The following UPF1 variants were observed in gnomAD, a reference collection of about 807,000 sequenced individuals.
UPF1 encodes the protein UPF1 RNA helicase and ATPase, also known as regulator of nonsense transcripts 1.
In UPF1, 9 loss-of-function variants were observed where a neutral mutation model predicts 129.2. That is an observed-to-expected ratio of 0.07 (90% confidence interval 0.04 to 0.12). The LOEUF (loss-of-function observed/expected upper bound fraction) is 0.12. Among genes scored for constraint, UPF1 ranks in the 10% least tolerant of loss-of-function variants. The pLI is 1.00. For synonymous variants in UPF1, 649 were observed against 644.9 expected (o/e 1.01, Z -0.10); for missense variants, 788 against 1,525.3 (o/e 0.52, Z 8.05).
chr19:18,849,820 T>A (rs1212448499), intron 3 of UPF1: 2 of 492,486 alleles, frequency 4.1e-6, no homozygotes, highest in East Asian at 4.1e-5. Context: ...GCAGGATTTT[T>A]AAAAAAGGCA....
chr19:18,863,707 T>C (rs1601130521), intron 19 of UPF1, 95 bp downstream of exon 19: 2 of 1,372,376 alleles, frequency 1.5e-6, no homozygotes, highest in East Asian at 5.9e-5. Flanking sequence ...GCCCGTGAGC[T>C]GAGGGAGGGC....
At chr19:18,860,766 C>T (rs944070067) in intron 16 of UPF1, 60 bp from the exon 17 acceptor site, 4 of 1,599,072 alleles carry the variant, frequency 2.5e-6, no homozygotes, top group Non-Finnish European at 3.4e-6. Flanking sequence ...TCACGGCCTC[C>T]AGCCTCAGGG....
chr19:18,833,694 C>G (rs2055453461), intron 1 of UPF1, among the ~76,000 whole-genome samples: 1 of 152,088 alleles, frequency 6.6e-6, no homozygotes, highest in South Asian at 2.1e-4. Context: ...CCTGAATGCT[C>G]CGACAGGAAG....
intron 1 of UPF1, among the ~76,000 whole-genome samples, chr19:18,834,652 G>C (rs979840576): frequency 6.6e-6 from 1 of 152,156 alleles, no homozygotes; most frequent in Admixed American, 6.5e-5. Context: ...AATGGGAGTG[G>C]TACCCCTTTG....
intron 16 of UPF1, among the ~76,000 whole-genome samples, 175 bp downstream of exon 16, chr19:18,860,613 T>C (rs2055767826): frequency 6.6e-6 from 1 of 152,228 alleles, no homozygotes; most frequent in Non-Finnish European, 1.5e-5. Flanking sequence ...TTGTACTTGT[T>C]TTTTATTGGG....
rs1421649623 is a variant in UPF1, at chr19:18,843,417, A to G, written c.232-2563A>G. 8.6e-5 allele frequency among the ~76,000 whole-genome samples: 13 copies of G among 152,044 alleles called. No homozygotes were observed. In the East Asian group the frequency reaches 2.5e-3, roughly 29 times the overall value. ...CAGACAGTGGTGCAAATGTTGGAGTAGATGTCTGCGGCCTGAGAGTTTATG... is the reference window on the plus strand; with the variant it reads ...CAGACAGTGGTGCAAATGTTGGAGTGGATGTCTGCGGCCTGAGAGTTTATG... On this transcript the variant is annotated intron_variant, in intron 1 of 23. Coordinates refer to ENST00000262803, the MANE Select transcript of UPF1 (RefSeq NM_002911.4).
At position 18,856,746 on chromosome 19, in the gene UPF1, G is replaced by A; in HGVS notation, c.1825-131G>A. On this transcript the variant is annotated intron_variant, in intron 13 of 23. Transcript: ENST00000262803. ...CTGGACCATGTATCTTGTCTGGGAG[G>A]GACAGCTTGTTTTTTATAGTGTCAG... 3 of 1,308,112 alleles carry A rather than the reference G, an allele frequency of 2.3e-6. No homozygotes were observed. The South Asian group carries it at 4.6e-5, about 20-fold the overall frequency. The allele number at this position is 1,308,112 out of a possible 1,614,324, so 81.0% of individuals were successfully genotyped here. A position where few individuals can be genotyped will look rare whatever the true frequency, so the allele number is the denominator to read the frequency against.
In UPF1 at chr19:18,863,611, C is replaced by T. The variant is rs189120195; in HGVS notation, c.2774C>T (p.Pro925Leu). 1.2e-6 allele frequency: 2 copies of T among 1,612,662 alleles called. No individual in the cohort carries two copies. The highest frequency in any genetic ancestry group is 8.5e-7 in the Non-Finnish European group (1 of 1,179,504). ...KPRKLVNTIN[P>L]GARFMTTAMY... ...CGGAAGCTGGTCAACACTATCAACC[C>T]GGTGAGCGCCTGCACAGGACAGCAG... The change falls in exon 19 of 24, where the codon CCG becomes CTG. Residue 925 changes from proline to leucine, a missense_variant and splice_region_variant. Around this residue, in one of 6 missense-constraint regions of UPF1, gnomAD observed 218 missense variants for 318.1 expected, o/e 0.69. Coordinates refer to ENST00000262803, the MANE Select transcript of UPF1 (RefSeq NM_002911.4).
In UPF1 at chr19:18,865,514, G is replaced by T. The variant is rs76650420; in HGVS notation, c.3020-47G>T. 5.4e-3 allele frequency: 8,775 copies of T among 1,612,608 alleles called. 45 individuals are homozygous for T. Among genetic ancestry groups the T allele is most frequent in the Non-Finnish European group, 6.1e-3 (7,231 of 1,179,014 alleles). On this transcript the variant is annotated intron_variant, in intron 21 of 23. Transcript: ENST00000262803. The surrounding 1 kb of genome is among the most constrained non-coding windows in gnomAD (Gnocchi z 6.1). The stretch of plus-strand genomic sequence containing the variant: ...AGAGCTCTTGAGGGTGTGCTTGTCT[G>T]CGAGGCCCTGGCCTCCTTCGGATCA...
Position 18,866,175 on chromosome 19 carries a change from C to G in UPF1, c.*3+9C>G. ...TGTCCCAGTATTAAAAGGCAAGCCC[C>G]CCTGGAGCAGGCCTGGCCCCACCCC... On this transcript the variant is annotated intron_variant, in intron 23 of 23. Transcript: ENST00000262803. 5 of 1,583,892 alleles carry G rather than the reference C, an allele frequency of 3.2e-6. No individual in the cohort carries two copies. Among genetic ancestry groups the G allele is most frequent in the Non-Finnish European group, 4.3e-6 (5 of 1,164,730 alleles).
chr19:18,847,102 G>A (rs1177232332), intron 2 of UPF1, among the ~76,000 whole-genome samples: 1 of 152,148 alleles, frequency 6.6e-6, no homozygotes, highest in Non-Finnish European at 1.5e-5. Context: ...GCTAGGCTTG[G>A]TGGGCAGGCA....
At chr19:18,857,849 T>C (rs7250661) in intron 15 of UPF1, among the ~76,000 whole-genome samples, 136,094 of 152,262 alleles carry the variant, frequency 0.89, 60,919 homozygotes, top group African/African-American at 0.92. Context: ...TAACGTGGGC[T>C]GTGCATTCAG....
In UPF1 at chr19:18,851,505, C is replaced by T. The variant is rs1252622351; in HGVS notation, c.811-630C>T. 1.3e-5 allele frequency among the ~76,000 whole-genome samples: 2 copies of T among 152,176 alleles called. No individual in the cohort carries two copies. Among genetic ancestry groups the T allele is most frequent in the African/African-American group, 2.4e-5 (1 of 41,436 alleles). ...AATATTTTTTTAAGCATTGTTCAGC[C>T]GGGTACCTTTCCACTTGGATTTTCC... On this transcript the variant is annotated intron_variant, in intron 5 of 23. Coordinates refer to ENST00000262803, the MANE Select transcript of UPF1 (RefSeq NM_002911.4). The surrounding 1 kb of genome is among the most constrained non-coding windows in gnomAD (Gnocchi z 4.2).
Position 18,864,085 on chromosome 19 carries a change from C to T in UPF1, c.2776-85C>T, listed in dbSNP as rs1055459004. 6 of 1,224,876 alleles carry T rather than the reference C, an allele frequency of 4.9e-6. No individual in the cohort carries two copies. The African/African-American group carries it at 7.4e-5, about 15-fold the overall frequency. The allele number at this position is 1,224,876 out of a possible 1,614,324, so 75.9% of individuals were successfully genotyped here. A position where few individuals can be genotyped will look rare whatever the true frequency, so the allele number is the denominator to read the frequency against. ...GTGTCAACACCTCACAGCTGCATAC[C>T]TGCCACCTCCCAGGCCACCGGGCCC... On this transcript the variant is annotated intron_variant, in intron 19 of 23. Transcript: ENST00000262803.
At position 18,862,264 on chromosome 19, in the gene UPF1, C is replaced by T. The variant is rs555395939; in HGVS notation, c.2600+112C>T. On this transcript the variant is annotated intron_variant, in intron 18 of 23. Transcript: ENST00000262803. The stretch of plus-strand genomic sequence containing the variant: ...GGGCCAGAGGTCAGAGGACTCTGAG[C>T]AGCAGTTGAGAAACGATGTCTCACT... 1.3e-3 allele frequency: 1,912 copies of T among 1,482,442 alleles called. 3 individuals are homozygous for T. Among genetic ancestry groups the T allele is most frequent in the Non-Finnish European group, 1.6e-3 (1,774 of 1,108,444 alleles). The allele number at this position is 1,482,442 out of a possible 1,614,324, so 91.8% of individuals were successfully genotyped here.
Position 18,852,224 on chromosome 19 carries a change from C to T in UPF1, c.900C>T (p.Tyr300=). ...QHVLLRYEDA[Y]QYQNIFGPLV... ...TCCTCCTGCGGTACGAGGACGCCTA[C>T]CAGTACCAGAACATATTCGGGCCCC... The change falls in exon 6 of 24, where the codon TAC becomes TAT. Residue 300 remains tyrosine (Y), a synonymous_variant. Transcript: ENST00000262803. The T allele has an allele frequency of 6.2e-7, 1 of 1,613,748 alleles. No individual in the cohort carries two copies. The highest frequency in any genetic ancestry group is 1.1e-5 in the South Asian group (1 of 91,058).
At position 18,856,210 on chromosome 19, in the gene UPF1, G is replaced by T; in HGVS notation, c.1734G>T (p.Gln578His). 1 of 1,610,352 alleles carries T rather than the reference G, an allele frequency of 6.2e-7. No homozygotes were observed. The highest frequency in any genetic ancestry group is 8.5e-7 in the Non-Finnish European group (1 of 1,177,100). ...GCATGCCTGAGCTGCAGAAGCTGCAGCAGCTGAAAGACGAGACTGGGGAGC... is the reference window on the plus strand; with the variant it reads ...GCATGCCTGAGCTGCAGAAGCTGCATCAGCTGAAAGACGAGACTGGGGAGC... ...MDSMPELQKL[Q>H]QLKDETGELS... Residue 578 changes from glutamine (Q) to histidine (H), a missense_variant, in exon 13 of 24, where the codon CAG becomes CAT. Gln to His is a conservative substitution (Grantham distance 24, BLOSUM62 0). Around this residue, in one of 6 missense-constraint regions of UPF1, gnomAD observed 91 missense variants for 157.2 expected, o/e 0.58. Transcript: ENST00000262803.
At chr19:18,842,114 G>C (rs1173076136) in intron 1 of UPF1, among the ~76,000 whole-genome samples, 1 of 152,070 alleles carries the variant, frequency 6.6e-6, no homozygotes, top group Non-Finnish European at 1.5e-5. Context: ...TAAAGGAATG[G>C]AGAGCCTGGG....
chr19:18,846,391 A>G (rs572860752), intron 2 of UPF1, among the ~76,000 whole-genome samples: 3 of 152,064 alleles, frequency 2.0e-5, no homozygotes, highest in Non-Finnish European at 4.4e-5. Context: ...CCCTGGGGGC[A>G]TTGCCTGGTA....
Sources: gnomAD v4.1 joint callset for allele counts (sites outside exome capture counted in the v4.1 genomes callset) on GRCh38, gnomAD v4.1.1 for gene constraint, gnomAD v4.1.1 regional missense constraint, Gnocchi (gnomAD v3.1) non-coding constraint, MANE v1.5 for transcripts, NCBI Gene and HGNC (gene_info 2026-07-23, HGNC 2026-07-21) for gene names.